VPS4A: variants seen among roughly 807,000 people sequenced by gnomAD.
VPS4A encodes the protein vacuolar protein sorting 4 homolog A.
A neutral mutation model predicts 52.3 loss-of-function variants in VPS4A; 20 were observed. That is an observed-to-expected ratio of 0.38 (90% CI 0.27 to 0.56). The LOEUF is 0.56. Ranked by LOEUF, VPS4A falls within the 20% of genes least tolerant of loss-of-function variation. VPS4A has a pLI of 0.72. For missense variants in VPS4A, 419 were observed against 575.9 expected, an observed-to-expected ratio of 0.73 and a Z score of 2.79; for synonymous variants, 293 against 227.7, an observed-to-expected ratio of 1.29 and a Z score of -2.58.
In VPS4A at chr16:69,320,350, T is replaced by C; in HGVS notation, c.769+61T>C. On this transcript the variant is annotated intron_variant, in intron 7 of 10. Transcript: ENST00000254950. This position sits in a 1 kb window ranked among gnomAD's most constrained non-coding sequence, Gnocchi z 4.2. ...TGCACCTGAAGCCAACCCTGGGCTT[T>C]ATTCTGAGCTGCGGCTGGATTTGGT... 6.3e-7 allele frequency: 1 copy of C among 1,582,670 alleles called. No homozygotes were observed. The highest frequency in any genetic ancestry group is 8.6e-7 in the Non-Finnish European group (1 of 1,159,124).
intron 1 of VPS4A, among the ~76,000 whole-genome samples, chr16:69,315,170 G>C (rs1965420839): frequency 6.6e-6 from 1 of 152,100 alleles, no homozygotes; most frequent in Non-Finnish European, 1.5e-5. Context: ...GTGCACTCCG[G>C]CCTAGATGAT....
intron 10 of VPS4A, chr16:69,323,791 A>G (rs1349505279): frequency 2.6e-6 from 1 of 384,976 alleles, no homozygotes; most frequent in Non-Finnish European, 5.2e-6. Flanking sequence ...CTCTGCTAAA[A>G]ATACAAAAAT....
In VPS4A at chr16:69,326,006, G is replaced by A. The variant is rs957716888; in HGVS notation, c.*1697G>A. 2.0e-5 allele frequency: 3 copies of A among 152,356 alleles called. No individual in the cohort carries two copies. Among genetic ancestry groups the A allele is most frequent in the African/African-American group, 4.8e-5 (2 of 41,464 alleles). The allele number at this position is 152,356 out of a possible 1,614,324, so 9.4% of individuals were successfully genotyped here. ...ACGTCCGGCAGGCAGTGAAGCTGCA[G>A]AGGCTGTCCCACGTTTACCCCATGC... On this transcript the variant is annotated 3_prime_UTR_variant, in exon 11 of 11. Coordinates refer to ENST00000254950, the MANE Select transcript of VPS4A (RefSeq NM_013245.3).
rs931827754 is a variant in VPS4A, at chr16:69,324,534, C to T, written c.*225C>T. On this transcript the variant is annotated 3_prime_UTR_variant, in exon 11 of 11. Transcript: ENST00000254950. ...GTGGACACTGCTCTTCCTACTTCCT[C>T]CTCTCCTGGATGCTCATCAGCTCCT... The T allele has an allele frequency of 9.1e-6, 5 of 549,238 alleles. No homozygotes were observed. The African/African-American group carries it at 9.4e-5, about 10-fold the overall frequency. The allele number at this position is 549,238 out of a possible 1,614,324, so 34.0% of individuals were successfully genotyped here.
chr16:69,318,779 G>T (rs758525912), intron 4 of VPS4A, 44 bp from the exon 5 acceptor site: 2 of 1,612,316 alleles, frequency 1.2e-6, no homozygotes, highest in Admixed American at 3.3e-5. Flanking sequence ...GTTGGCTCAT[G>T]CCCCTTGGCC....
chr16:69,318,145 TTG>T (rs1181433787), intron 3 of VPS4A, among the ~76,000 whole-genome samples: 2 of 152,024 alleles, frequency 1.3e-5, no homozygotes, highest in Non-Finnish European at 2.9e-5. Flanking sequence ...TTGGCTAATT[TTG>T]TGTTTTTTGT....
rs199747574 is a variant in VPS4A, at chr16:69,316,272, G to A, written c.181G>A (p.Val61Met). ...CAAGGAGAGCATTCGAGCCAAGTGCGTGCAGTACCTAGACCGGGCCGAGAA... is the reference window on the plus strand; with the variant it reads ...CAAGGAGAGCATTCGAGCCAAGTGCATGCAGTACCTAGACCGGGCCGAGAA... Reference protein sequence around the residue: ...KAKESIRAKCVQYLDRAEKLK... With the variant: ...KAKESIRAKCMQYLDRAEKLK... Residue 61 changes from valine to methionine, a missense_variant, in exon 3 of 11, where the codon GTG (valine) becomes ATG (methionine). By Grantham distance (21) the Val-to-Met change is conservative. This residue lies in a region of VPS4A where 131 missense variants were observed against 165.4 expected (regional missense o/e 0.79). Transcript: ENST00000254950. 130 of 1,613,734 alleles carry A rather than the reference G, an allele frequency of 8.1e-5. No homozygotes were observed. Among genetic ancestry groups the A allele is most frequent in the East Asian group, 4.0e-4 (18 of 44,892 alleles).
In VPS4A at chr16:69,322,568, C is replaced by T. The variant is rs756755868; in HGVS notation, c.1080C>T (p.Gly360=). The T allele has an allele frequency of 1.2e-6, 2 of 1,612,570 alleles. No individual in the cohort carries two copies. Among genetic ancestry groups the T allele is most frequent in the Admixed American group, 3.3e-5 (2 of 59,900 alleles). Residue 360 remains glycine (G), a synonymous_variant, in exon 10 of 11, where the codon GGC becomes GGT. Coordinates refer to ENST00000254950, the MANE Select transcript of VPS4A (RefSeq NM_013245.3). ...QSATHFKKVC[G]PSRTNPSMMI... ...GATCCATTTGGTTTCAGGTCTGTGG[C>T]CCCTCTCGCACCAACCCCAGCATGA...
Position 69,320,450 on chromosome 16 carries a change from G to T in VPS4A, c.769+161G>T, listed in dbSNP as rs1395893023. On this transcript the variant is annotated intron_variant, in intron 7 of 10. Transcript: ENST00000254950. The surrounding 1 kb of genome is among the most constrained non-coding windows in gnomAD (Gnocchi z 4.2). The stretch of plus-strand genomic sequence containing the variant: ...GGGTGGACTTCAATTCCCAAGAGGT[G>T]CCTGAGGCCTCTGCCTCACGGGCCA... 1.3e-5 allele frequency: 14 copies of T among 1,080,122 alleles called. No homozygotes were observed. The highest frequency in any genetic ancestry group is 1.7e-5 in the Non-Finnish European group (13 of 764,364). 66.9% of individuals were successfully genotyped at this position (1,080,122 alleles called of 1,614,324 possible). A position where few individuals can be genotyped will look rare whatever the true frequency, so the allele number is the denominator to read the frequency against.
intron 5 of VPS4A, 143 bp downstream of exon 5, chr16:69,319,085 A>C: frequency 7.9e-7 from 1 of 1,260,168 alleles, no homozygotes; most frequent in Non-Finnish European, 1.1e-6. Flanking sequence ...GGTGTCCACA[A>C]CACTGCTGTG....
At chr16:69,317,953 C>CAAAAAAAAAAAAAAAAAA in intron 3 of VPS4A, among the ~76,000 whole-genome samples, 1 of 46,046 alleles carries the variant, frequency 2.2e-5, no homozygotes, top group Non-Finnish European at 4.3e-5. Context: ...GGCACCATCT[C>CAAAAAAAAAAAAAAAAAA]AAAAAAAAAA....
In VPS4A at chr16:69,322,715, A is replaced by C; in HGVS notation, c.1212+15A>C. The C allele has an allele frequency of 3.1e-6, 5 of 1,609,942 alleles. No homozygotes were observed. Among genetic ancestry groups the C allele is most frequent in the Non-Finnish European group, 4.2e-6 (5 of 1,177,474 alleles). On this transcript the variant is annotated intron_variant, in intron 10 of 10. Transcript: ENST00000254950. Reference sequence around the variant, plus strand: ...TGGTTTGCATGGTAAGTGACTTGACAGGGGAGGGAAGAGGGCTGCACAGAG... The same window carrying C: ...TGGTTTGCATGGTAAGTGACTTGACCGGGGAGGGAAGAGGGCTGCACAGAG...
chr16:69,316,817 A>C (rs1243155185), intron 3 of VPS4A, among the ~76,000 whole-genome samples: 1 of 152,180 alleles, frequency 6.6e-6, no homozygotes, highest in East Asian at 1.9e-4. Flanking sequence ...TCAAAGAGTC[A>C]CCTGCCTCCA....
rs181015748 is a variant in VPS4A at position 69,322,790 on chromosome 16, C to T, written c.1212+90C>T. On this transcript the variant is annotated intron_variant, in intron 10 of 10. Transcript: ENST00000254950. ...CAGAATAAAAACGGTCTTCTCCAGG[C>T]CAGGCATGGTAGCTCACGCCTGTAA... 37 of 1,497,100 alleles carry T rather than the reference C, an allele frequency of 2.5e-5. No individual in the cohort carries two copies. The Admixed American group carries it at 6.5e-4, about 26-fold the overall frequency. The allele number at this position is 1,497,100 out of a possible 1,614,324, so 92.7% of individuals were successfully genotyped here. A position where few individuals can be genotyped will look rare whatever the true frequency, so the allele number is the denominator to read the frequency against.
intron 3 of VPS4A, among the ~76,000 whole-genome samples, chr16:69,317,905 G>C (rs1965458220): frequency 2.7e-5 from 4 of 146,694 alleles, no homozygotes; most frequent in Non-Finnish European, 6.0e-5. Context: ...AGATTGCAGT[G>C]AGCTGAGATG....
rs570943205 is a variant in VPS4A, at chr16:69,321,657, TC to T, written c.1071+389del. 221 of 250,668 alleles carry T rather than the reference TC, an allele frequency of 8.8e-4. No individual in the cohort carries two copies. In the Middle Eastern group the frequency reaches 0.01, roughly 12 times the overall value. The allele number at this position is 250,668 out of a possible 1,614,324, so 15.5% of individuals were successfully genotyped here. A position where few individuals can be genotyped will look rare whatever the true frequency, so the allele number is the denominator to read the frequency against. On this transcript the variant is annotated intron_variant, in intron 9 of 10. Transcript: ENST00000254950. This position sits in a 1 kb window ranked among gnomAD's most constrained non-coding sequence, Gnocchi z 4.5. ...ATCTCTGCTGAGTATTTGCTGTGGGTCCTCCTGTGTGCCCGGCCCTGTCCTA... is the reference window on the plus strand; with the variant it reads ...ATCTCTGCTGAGTATTTGCTGTGGGTCTCCTGTGTGCCCGGCCCTGTCCTA...
intron 3 of VPS4A, among the ~76,000 whole-genome samples, chr16:69,317,416 G>A (rs562234681): frequency 3.9e-5 from 6 of 152,144 alleles, no homozygotes; most frequent in Non-Finnish European, 1.5e-5. Flanking sequence ...CCAGCACTTT[G>A]GGAGGCCAAC....
Position 69,321,574 on chromosome 16 carries a change from G to C in VPS4A, c.1071+304G>C. ...CTTGTGCGGGGTGGACACCAAATCAGTGTTTGGAAAGTGTTGGATATAAAA... is the reference window on the plus strand; with the variant it reads ...CTTGTGCGGGGTGGACACCAAATCACTGTTTGGAAAGTGTTGGATATAAAA... On this transcript the variant is annotated intron_variant, in intron 9 of 10. Transcript: ENST00000254950. The surrounding 1 kb of genome is among the most constrained non-coding windows in gnomAD (Gnocchi z 4.5). 1 of 403,446 alleles carries C rather than the reference G, an allele frequency of 2.5e-6. No individual in the cohort carries two copies. Among genetic ancestry groups the C allele is most frequent in the Non-Finnish European group, 4.6e-6 (1 of 217,926 alleles). 25.0% of individuals were successfully genotyped at this position (403,446 alleles called of 1,614,324 possible).
intron 1 of VPS4A, among the ~76,000 whole-genome samples, chr16:69,312,802 C>T (rs917955004): frequency 6.6e-6 from 1 of 151,064 alleles, no homozygotes; most frequent in African/African-American, 2.4e-5. Context: ...TAGTAGAGAC[C>T]GGGTTTCACC....
Sources: gnomAD v4.1 joint callset for allele counts (sites outside exome capture counted in the v4.1 genomes callset) on GRCh38, gnomAD v4.1.1 for gene constraint, gnomAD v4.1.1 regional missense constraint, Gnocchi (gnomAD v3.1) non-coding constraint, MANE v1.5 for transcripts, NCBI Gene and HGNC (gene_info 2026-07-23, HGNC 2026-07-21) for gene names.